FAM98C: variants seen among roughly 807,000 people sequenced by gnomAD.
FAM98C encodes tRNA splicing ligase complex subunit 3C.
FAM98C carries 38 observed loss-of-function variants against 41.1 expected under a neutral mutation model. The observed-to-expected ratio is 0.92, with a 90% CI of 0.71 to 1.21. FAM98C has a LOEUF of 1.21. Among genes scored for constraint, FAM98C ranks in the 50% most tolerant of loss-of-function variants. The pLI is 0.00. For missense variants in FAM98C, 493 were observed against 484.7 expected (o/e 1.02, Z -0.16); for synonymous variants, 195 against 216.7 (o/e 0.90, Z 0.88).
chr19:38,403,244 T>C, intron 1 of FAM98C, 26 bp downstream of exon 1: 1 of 1,556,504 alleles, frequency 6.4e-7, no homozygotes, highest in East Asian at 2.6e-5. Flanking sequence ...GTGAGGCTGG[T>C]GGGTGCAGGA....
chr19:38,403,274 G>A (rs1176350432), intron 1 of FAM98C, 56 bp downstream of exon 1: 2 of 1,526,348 alleles, frequency 1.3e-6, no homozygotes, highest in Admixed American at 2.2e-5. Flanking sequence ...CTGCCCCCTG[G>A]ACGCGGACGA....
chr19:38,403,295 C>G, intron 1 of FAM98C, 43 bp from the exon 2 acceptor site: 1 of 1,504,634 alleles, frequency 6.6e-7, no homozygotes, highest in Non-Finnish European at 8.8e-7. Flanking sequence ...AAAGGGATTC[C>G]CAGTGACATC....
intron 7 of FAM98C, chr19:38,407,372 T>TA: frequency 2.9e-6 from 1 of 350,302 alleles, no homozygotes; most frequent in Non-Finnish European, 5.3e-6. Flanking sequence ...TGTTGTTTTT[T>TA]AACCTTTTTT....
chr19:38,406,885 T>G, intron 6 of FAM98C, 25 bp from the exon 7 acceptor site: 1 of 1,605,876 alleles, frequency 6.2e-7, no homozygotes, highest in Non-Finnish European at 8.5e-7. Context: ...CCAGGGTACC[T>G]TCTCTTACCT....
In FAM98C at chr19:38,403,685, C is replaced by A. The variant is rs1568400662; in HGVS notation, c.340C>A (p.Arg114Ser). Residue 114 changes from arginine to serine, a missense_variant, in exon 3 of 8, where the codon CGC (arginine) becomes AGC (serine). Transcript: ENST00000252530. ...GCTTCGGGAACCCGGTGCCGGACTG[C>A]GCCTGCTGCGTGAGTCCCGGGATGC... ...AALREPGAGL[R>S]LLRFLCSELQ... The A allele has an allele frequency of 1.4e-6, 2 of 1,407,000 alleles. No individual in the cohort carries two copies. The highest frequency in any genetic ancestry group is 6.4e-5 in the Admixed American group (2 of 31,068). 87.2% of individuals were successfully genotyped at this position (1,407,000 alleles called of 1,614,324 possible).
intron 4 of FAM98C, 37 bp downstream of exon 4, chr19:38,405,150 C>T (rs1200644481): frequency 1.3e-6 from 2 of 1,583,736 alleles, no homozygotes; most frequent in South Asian, 1.1e-5. Context: ...CTGGGCTACC[C>T]CACTTTCCTT....
Position 38,403,405 on chromosome 19 carries a change from C to T in FAM98C, c.133C>T (p.Arg45Trp). 2 of 1,440,276 alleles carry T rather than the reference C, an allele frequency of 1.4e-6. No individual in the cohort carries two copies. The highest frequency in any genetic ancestry group is 9.0e-7 in the Non-Finnish European group (1 of 1,108,766). The allele number at this position is 1,440,276 out of a possible 1,614,324, so 89.2% of individuals were successfully genotyped here. A position where few individuals can be genotyped will look rare whatever the true frequency, so the allele number is the denominator to read the frequency against. ...SCPDFRGLCVRLAAELATLGA... is the reference protein window; with the variant it reads ...SCPDFRGLCVWLAAELATLGA... Reference sequence around the variant, plus strand: ...CCCAGACTTCAGGGGGCTGTGCGTGCGGCTGGCGGCGGAGCTGGCGACGCT... The same window carrying T: ...CCCAGACTTCAGGGGGCTGTGCGTGTGGCTGGCGGCGGAGCTGGCGACGCT... Residue 45 changes from arginine to tryptophan, a missense_variant, in exon 2 of 8, where the codon CGG (arginine) becomes TGG (tryptophan). Physicochemically the swap from Arg to Trp is moderately radical, Grantham distance 101 (BLOSUM62 -3). Transcript: ENST00000252530.
At chr19:38,406,284 C>T (rs962145166) in intron 6 of FAM98C, 1 of 152,682 alleles carries the variant, frequency 6.5e-6, no homozygotes, top group Non-Finnish European at 1.5e-5. Flanking sequence ...GCCTCAGCCT[C>T]CCGAGTAGCT....
chr19:38,404,562 C>T (rs532193792), intron 3 of FAM98C, among the ~76,000 whole-genome samples: 18 of 151,956 alleles, frequency 1.2e-4, no homozygotes, highest in East Asian at 5.8e-4. Context: ...AATGGAGTCT[C>T]GCCCTGTTGC....
chr19:38,403,881 C>T (rs1971002520), intron 3 of FAM98C, among the ~76,000 whole-genome samples, 187 bp downstream of exon 3: 1 of 152,022 alleles, frequency 6.6e-6, no homozygotes, highest in African/African-American at 2.4e-5. Context: ...GGTAGAATTT[C>T]GTTTTATTTT....
In FAM98C at chr19:38,408,968, C is replaced by A. The variant is rs1317111172; in HGVS notation, c.*86C>A. The A allele has an allele frequency of 6.9e-7, 1 of 1,446,098 alleles. No individual in the cohort carries two copies. Among genetic ancestry groups the A allele is most frequent in the Non-Finnish European group, 9.2e-7 (1 of 1,091,422 alleles). The allele number at this position is 1,446,098 out of a possible 1,614,324, so 89.6% of individuals were successfully genotyped here. The stretch of plus-strand genomic sequence containing the variant: ...TCTGGGGAGTCCGTTTAAGGCTTTC[C>A]TTGGTATTTGGCACCCAAGCCCCCC... On this transcript the variant is annotated 3_prime_UTR_variant, in exon 8 of 8. Coordinates refer to ENST00000252530, the MANE Select transcript of FAM98C (RefSeq NM_174905.4).
chr19:38,405,484 G>A (rs760803944), intron 5 of FAM98C, 35 bp from the exon 6 acceptor site: 7 of 1,613,932 alleles, frequency 4.3e-6, no homozygotes, highest in Non-Finnish European at 5.9e-6. Flanking sequence ...CAGTGAGAGG[G>A]ACCCCTAGCC....
chr19:38,405,567 C>G lies in FAM98C; in HGVS notation c.682C>G (p.Arg228Gly), dbSNP rs749730784. The change falls in exon 6 of 8, where the codon CGC (arginine) becomes GGC (glycine). Residue 228 changes from arginine to glycine, a missense_variant. Coordinates refer to ENST00000252530, the MANE Select transcript of FAM98C (RefSeq NM_174905.4). ...AAGCCTCAGAGATCAGTACCGCTGC[C>G]GCCGCTGCCTCCTCCTCAAGCGCCT... is the stretch of plus-strand genomic sequence containing the variant. ...SQSLRDQYRCRRCLLLKRLDL... is the reference protein window; with the variant it reads ...SQSLRDQYRCGRCLLLKRLDL... 6.2e-7 allele frequency: 1 copy of G among 1,614,154 alleles called. No homozygotes were observed. Among genetic ancestry groups the G allele is most frequent in the Non-Finnish European group, 8.5e-7 (1 of 1,180,042 alleles).
rs1352157474 is a variant in FAM98C at position 38,403,609 on chromosome 19, G to A, written c.264G>A (p.Arg88=). 6.7e-7 allele frequency: 1 copy of A among 1,490,184 alleles called. No individual in the cohort carries two copies. Among genetic ancestry groups the A allele is most frequent in the Non-Finnish European group, 8.8e-7 (1 of 1,131,476 alleles). 92.3% of individuals were successfully genotyped at this position (1,490,184 alleles called of 1,614,324 possible). A position where few individuals can be genotyped will look rare whatever the true frequency, so the allele number is the denominator to read the frequency against. Residue 88 remains arginine (R), a synonymous_variant, in exon 3 of 8, where the codon CGG becomes CGA. Transcript: ENST00000252530. ...DFLRQLGSLL[R]ELHCPDRALC... is the part of the protein sequence containing the mutation. ...TGCGGCAGCTCGGCAGCCTGCTGCG[G>A]GAGCTGCACTGCCCGGATCGCGCGC...
intron 7 of FAM98C, 171 bp from the exon 8 acceptor site, chr19:38,408,580 A>G: frequency 1.3e-6 from 1 of 770,398 alleles, no homozygotes; most frequent in Non-Finnish European, 2.1e-6. Flanking sequence ...AAGAAAAAAG[A>G]AAGCTCATGC....
chr19:38,405,300 C>T lies in FAM98C; in HGVS notation c.556-44C>T, dbSNP rs370978130. The T allele has an allele frequency of 1.2e-4, 186 of 1,595,332 alleles. No homozygotes were observed. In the African/African-American group the frequency reaches 2.4e-3, roughly 20 times the overall value. Reference sequence around the variant, plus strand: ...GGGGAGCTGAGTTTACAGAGGGGCCCATCCTCTCTGCCCCAGTTGGCCTCT... The same window carrying T: ...GGGGAGCTGAGTTTACAGAGGGGCCTATCCTCTCTGCCCCAGTTGGCCTCT... On this transcript the variant is annotated intron_variant, in intron 4 of 7. Coordinates refer to ENST00000252530, the MANE Select transcript of FAM98C (RefSeq NM_174905.4).
chr19:38,406,601 C>A (rs539441338), intron 6 of FAM98C: 211 of 254,868 alleles, frequency 8.3e-4, no homozygotes, highest in Admixed American at 4.5e-3. Flanking sequence ...CATAGCAAGA[C>A]CCCCGTCTCT....
Position 38,404,996 on chromosome 19 carries a change from G to GGT in FAM98C, c.439_440dup (p.Val148Ter). 2 of 1,614,184 alleles carry GGT rather than the reference G, an allele frequency of 1.2e-6. No homozygotes were observed. Among genetic ancestry groups the GGT allele is most frequent in the Non-Finnish European group, 1.7e-6 (2 of 1,180,024 alleles). On this transcript the variant is annotated frameshift_variant, in exon 4 of 8. Coordinates refer to ENST00000252530, the MANE Select transcript of FAM98C (RefSeq NM_174905.4). LOFTEE classifies it high-confidence loss of function. ...GTCCTAGGCCACCCCTTGGTGAAGG[G>GGT]GTAGTGGAGGGAGCCGGCATGGTCC...
At chr19:38,405,775 TG>T (rs1454291917) in intron 6 of FAM98C, 140 bp downstream of exon 6, 3 of 757,928 alleles carry the variant, frequency 4.0e-6, no homozygotes, top group Non-Finnish European at 6.4e-6. Flanking sequence ...TTTTGAGGTT[TG>T]GGGCTCCTAG....
Sources: allele counts gnomAD v4.1 joint callset (sites outside exome capture counted in the v4.1 genomes callset), GRCh38; gene constraint gnomAD v4.1.1; transcripts MANE v1.5; gene names NCBI Gene and HGNC (gene_info 2026-07-23, HGNC 2026-07-21).